Variants in PPARGC1A observed in about 807,000 individuals in gnomAD.
PPARGC1A encodes peroxisome proliferator-activated receptor gamma coactivator 1-alpha.
A neutral mutation model predicts 88.7 loss-of-function variants in PPARGC1A; 25 were observed. The observed-to-expected ratio is 0.28, with a 90% CI of 0.21 to 0.39. The LOEUF is 0.39. Among genes scored for constraint, PPARGC1A ranks in the 10% least tolerant of loss-of-function variants. The pLI is 1.00. For synonymous variants in PPARGC1A, 363 were observed against 355.6 expected (o/e 1.02, Z -0.24); for missense variants, 880 against 968.7 (o/e 0.91, Z 1.22).
chr4:24,444,436 A>G, the PPARGC1A span, among the ~76,000 whole-genome samples: 1 of 151,904 alleles, frequency 6.6e-6, no homozygotes, highest in South Asian at 2.1e-4. Context: ...TTATCCAAGC[A>G]AAAAAAATTT....
chr4:23,971,470 T>A, the PPARGC1A span, among the ~76,000 whole-genome samples: 1 of 152,142 alleles, frequency 6.6e-6, no homozygotes, highest in Non-Finnish European at 1.5e-5. Context: ...ACTCACATGA[T>A]CACAGAGTCC....
the PPARGC1A span, among the ~76,000 whole-genome samples, chr4:24,019,884 A>G: frequency 6.6e-6 from 1 of 152,220 alleles, no homozygotes; most frequent in Admixed American, 6.5e-5. Context: ...TTGAAAAATC[A>G]TTCACTTGAG....
chr4:23,853,160 C>T (rs1210228852), intron 2 of PPARGC1A, among the ~76,000 whole-genome samples: 1 of 151,914 alleles, frequency 6.6e-6, no homozygotes, highest in African/African-American at 2.4e-5. Context: ...AAGCAAAATA[C>T]AATCAAAATT....
intron 2 of PPARGC1A, among the ~76,000 whole-genome samples, chr4:23,835,807 C>T (rs1725913921): frequency 6.6e-6 from 1 of 151,992 alleles, no homozygotes; most frequent in Non-Finnish European, 1.5e-5. Flanking sequence ...GGATATTGCC[C>T]CTCACTGTGG....
the PPARGC1A span, among the ~76,000 whole-genome samples, chr4:24,466,348 A>G: frequency 6.6e-6 from 1 of 152,250 alleles, no homozygotes; most frequent in African/African-American, 2.4e-5. Context: ...AGAAATGTAC[A>G]TGTGGCCACA....
chr4:24,328,205 G>C, the PPARGC1A span, among the ~76,000 whole-genome samples: 1 of 151,588 alleles, frequency 6.6e-6, no homozygotes, highest in Non-Finnish European at 1.5e-5. Flanking sequence ...ACACGGACGC[G>C]CATGAAACTG....
At chr4:24,288,607 G>A in the PPARGC1A span, among the ~76,000 whole-genome samples, 1 of 152,144 alleles carries the variant, frequency 6.6e-6, no homozygotes, top group African/African-American at 2.4e-5. Context: ...AATGATTAAT[G>A]GCATTTCACA....
intron 5 of PPARGC1A, among the ~76,000 whole-genome samples, chr4:23,827,562 C>A (rs561291262): frequency 6.6e-6 from 1 of 152,080 alleles, no homozygotes; most frequent in African/African-American, 2.4e-5. Context: ...TCTAAGACCA[C>A]GACATTTTGA....
chr4:24,084,499 G>A, the PPARGC1A span, among the ~76,000 whole-genome samples: 7 of 152,164 alleles, frequency 4.6e-5, no homozygotes, highest in Admixed American at 1.3e-4. Context: ...GCTGCAATGG[G>A]CAGAGTTTAA....
chr4:24,268,335 A>G, the PPARGC1A span, among the ~76,000 whole-genome samples: 1 of 152,248 alleles, frequency 6.6e-6, no homozygotes, highest in Non-Finnish European at 1.5e-5. Flanking sequence ...ATCAGCATCC[A>G]GTCAGCTAAC....
At chr4:24,002,573 C>T in the PPARGC1A span, among the ~76,000 whole-genome samples, 1 of 149,336 alleles carries the variant, frequency 6.7e-6, no homozygotes, top group East Asian at 2.0e-4. Flanking sequence ...ATAATCCCAG[C>T]GTTAATTATG....
At chr4:23,804,866 A>G (rs1437696343) in intron 10 of PPARGC1A, among the ~76,000 whole-genome samples, 1 of 151,892 alleles carries the variant, frequency 6.6e-6, no homozygotes, top group Non-Finnish European at 1.5e-5. Flanking sequence ...CAACAATCAC[A>G]TTTTTTCTGA....
the PPARGC1A span, among the ~76,000 whole-genome samples, chr4:23,925,589 G>A: frequency 3.3e-5 from 5 of 152,240 alleles, no homozygotes; most frequent in South Asian, 2.1e-4. Flanking sequence ...TGAAGGAGAC[G>A]TATTTTGAGG....
chr4:24,224,070 T>C, the PPARGC1A span, among the ~76,000 whole-genome samples: 36 of 152,192 alleles, frequency 2.4e-4, no homozygotes, highest in Middle Eastern at 3.4e-3. Context: ...CCAGTAAGAG[T>C]TGAGTAGGGG....
the PPARGC1A span, among the ~76,000 whole-genome samples, chr4:23,979,304 C>T: frequency 2.6e-5 from 4 of 152,170 alleles, no homozygotes; most frequent in Non-Finnish European, 4.4e-5. Context: ...TTAAGGGATA[C>T]TTTCTCCTGT....
the PPARGC1A span, among the ~76,000 whole-genome samples, chr4:24,034,567 C>T: frequency 6.6e-6 from 1 of 152,038 alleles, no homozygotes; most frequent in Admixed American, 6.6e-5. Flanking sequence ...GAATTAGCTT[C>T]AATGTAATAT....
intron 10 of PPARGC1A, among the ~76,000 whole-genome samples, chr4:23,805,187 C>A (rs969853899): frequency 6.7e-6 from 1 of 150,310 alleles, no homozygotes; most frequent in African/African-American, 2.5e-5. Flanking sequence ...TGAGACTCTC[C>A]AATACAAAGG....
the PPARGC1A span, among the ~76,000 whole-genome samples, chr4:24,308,293 GAAAAAAAAAA>G: frequency 1.4e-5 from 1 of 72,950 alleles, no homozygotes; most frequent in African/African-American, 4.9e-5. Flanking sequence ...CTCTGCCACC[GAAAAAAAAAA>G]AAAAAAAAAA....
chr4:24,045,648 C>G, the PPARGC1A span, among the ~76,000 whole-genome samples: 1 of 152,198 alleles, frequency 6.6e-6, no homozygotes, highest in African/African-American at 2.4e-5. Flanking sequence ...TCAAATTTCT[C>G]TCTTCTTATA....
Sources: gnomAD v4.1 joint callset for allele counts (sites outside exome capture counted in the v4.1 genomes callset) on GRCh38, gnomAD v4.1.1 for gene constraint, MANE v1.5 for transcripts, NCBI Gene and HGNC (gene_info 2026-07-23, HGNC 2026-07-21) for gene names.